HHAT: variants seen among roughly 807,000 people sequenced by gnomAD.
The protein encoded by HHAT is protein-cysteine N-palmitoyltransferase HHAT.
In HHAT, 47 loss-of-function variants were observed where a neutral mutation model predicts 70.8. The observed-to-expected ratio is 0.66, with a 90% CI of 0.53 to 0.85. The LOEUF (loss-of-function observed/expected upper bound fraction) is 0.85, where lower values mean the gene tolerates loss of function less well. Ranked by LOEUF, HHAT falls within the 40% of genes least tolerant of loss-of-function variation. The pLI, the probability that HHAT is intolerant of heterozygous loss-of-function variation, is 0.00. For synonymous variants in HHAT, 228 were observed against 247.6 expected (o/e 0.92, Z 0.74); for missense variants, 609 against 604.8 (o/e 1.01, Z -0.07).
chr1:210,333,653 T>C (rs1201317546), intron 1 of HHAT, among the ~76,000 whole-genome samples: 1 of 151,092 alleles, frequency 6.6e-6, no homozygotes, highest in Non-Finnish European at 1.5e-5. Context: ...CTGCTTTTAC[T>C]ACTATGATTT....
At position 210,520,038 on chromosome 1, in the gene HHAT, C is replaced by T. The variant is rs911349062; in HGVS notation, c.1043+6850C>T. On this transcript the variant is annotated intron_variant, in intron 9 of 11. Transcript: ENST00000261458. ...CCTTTGTTTTTTTGTTTTTTTGAGA[C>T]GGAGTCTCACTCTATCACCCAGACT... Among the ~76,000 whole-genome samples, 14 of 94,844 alleles carry T rather than the reference C, an allele frequency of 1.5e-4. No individual in the cohort carries two copies. In the East Asian group the frequency reaches 2.0e-3, roughly 14 times the overall value. 62.2% of individuals were successfully genotyped at this position (94,844 alleles called of 152,430 possible). A position where few individuals can be genotyped will look rare whatever the true frequency, so the allele number is the denominator to read the frequency against.
Position 210,349,029 on chromosome 1 carries a change from C to A in HHAT, c.54C>A (p.His18Gln). The A allele has an allele frequency of 6.2e-7, 1 of 1,614,126 alleles. No individual in the cohort carries two copies. Among genetic ancestry groups the A allele is most frequent in the Non-Finnish European group, 8.5e-7 (1 of 1,179,996 alleles). Reference protein sequence around the residue: ...ALYLLASLGFHFYSFYEVYKV... With the variant: ...ALYLLASLGFQFYSFYEVYKV... Reference sequence around the variant, plus strand: ...ACCTACTTGCCTCACTAGGCTTCCACTTCTATTCCTTCTATGAAGTTTACA... The same window carrying A: ...ACCTACTTGCCTCACTAGGCTTCCAATTCTATTCCTTCTATGAAGTTTACA... The change falls in exon 2 of 12, where the codon CAC (histidine) becomes CAA (glutamine). Residue 18 changes from histidine to glutamine, a missense_variant. Coordinates refer to ENST00000261458, the MANE Select transcript of HHAT (RefSeq NM_018194.6).
chr1:210,415,987 A>C (rs2092709246), intron 6 of HHAT, among the ~76,000 whole-genome samples: 1 of 152,098 alleles, frequency 6.6e-6, no homozygotes, highest in South Asian at 2.1e-4. Flanking sequence ...TTAAAGCAAC[A>C]AGCTTTTCTG....
chr1:210,624,630 C>T (rs1669489502), intron 11 of HHAT, among the ~76,000 whole-genome samples: 5 of 152,170 alleles, frequency 3.3e-5, no homozygotes, highest in Admixed American at 3.3e-4. Context: ...CAAAGCAAAA[C>T]CATACTTGCA....
At chr1:210,664,535 A>C (rs1678475454) in intron 11 of HHAT, among the ~76,000 whole-genome samples, 1 of 152,242 alleles carries the variant, frequency 6.6e-6, no homozygotes, top group South Asian at 2.1e-4. Context: ...CCCTAGGTCT[A>C]GGGTCTGGTG....
At position 210,374,234 on chromosome 1, in the gene HHAT, G is replaced by A. The variant is rs185739244; in HGVS notation, c.159+11315G>A. On this transcript the variant is annotated intron_variant, in intron 3 of 11. Transcript: ENST00000261458. ...TCCACGGAAATCTTTAGTAAAAGGCGAAAGATTTATTCGATCTGAAGAGAA... is the reference window on the plus strand; with the variant it reads ...TCCACGGAAATCTTTAGTAAAAGGCAAAAGATTTATTCGATCTGAAGAGAA... The A allele has an allele frequency of 9.5e-4, 144 of 151,080 alleles. 1 individual carries two copies. Among genetic ancestry groups the A allele is most frequent in the East Asian group, 5.8e-3 (30 of 5,172 alleles). 9.4% of individuals were successfully genotyped at this position (151,080 alleles called of 1,614,324 possible).
chr1:210,502,559 A>G (rs556493326), intron 8 of HHAT, among the ~76,000 whole-genome samples: 10 of 152,190 alleles, frequency 6.6e-5, no homozygotes, highest in Admixed American at 1.3e-4. Context: ...ATTGTGGGAA[A>G]ATCATTGAAT....
At chr1:210,346,549 T>C (rs1391087528) in intron 1 of HHAT, among the ~76,000 whole-genome samples, 2 of 152,220 alleles carry the variant, frequency 1.3e-5, no homozygotes, top group Non-Finnish European at 2.9e-5. Flanking sequence ...TACTAGGGCT[T>C]AGGCTTGTGT....
chr1:210,348,770 A>G (rs1376756174), intron 1 of HHAT, among the ~76,000 whole-genome samples, 163 bp from the exon 2 acceptor site: 1 of 105,764 alleles, frequency 9.5e-6, no homozygotes, highest in Admixed American at 9.8e-5. Context: ...TGTTGGATGC[A>G]GGATGGAGTA....
intron 9 of HHAT, among the ~76,000 whole-genome samples, chr1:210,572,334 A>G (rs1656505111): frequency 6.6e-6 from 1 of 152,072 alleles, no homozygotes; most frequent in South Asian, 2.1e-4. Context: ...TTTTTTGAAA[A>G]TCACATCAGT....
At chr1:210,644,907 G>T (rs1198937479) in intron 11 of HHAT, among the ~76,000 whole-genome samples, 1 of 152,180 alleles carries the variant, frequency 6.6e-6, no homozygotes, top group African/African-American at 2.4e-5. Context: ...TTTGCCGCTG[G>T]TAAGGGCTCT....
At chr1:210,571,662 G>GA (rs1332451650) in intron 9 of HHAT, among the ~76,000 whole-genome samples, 3 of 152,144 alleles carry the variant, frequency 2.0e-5, no homozygotes, top group African/African-American at 7.2e-5. Context: ...CTCCACTTGA[G>GA]AGGGAGCCTT....
intron 3 of HHAT, among the ~76,000 whole-genome samples, chr1:210,375,913 A>G (rs6672972): frequency 0.4 from 60,318 of 150,614 alleles, 13,987 homozygotes; most frequent in African/African-American, 0.65. Context: ...GTGCAGTGGC[A>G]CAATCTTGGC....
At chr1:210,578,971 G>A (rs1473673979) in intron 9 of HHAT, among the ~76,000 whole-genome samples, 6 of 152,156 alleles carry the variant, frequency 3.9e-5, no homozygotes, top group Admixed American at 2.6e-4. Context: ...GGAATACTGC[G>A]CAGCCATGGA....
At chr1:210,658,437 C>G (rs773253622) in intron 11 of HHAT, among the ~76,000 whole-genome samples, 20 of 152,196 alleles carry the variant, frequency 1.3e-4, no homozygotes, top group Non-Finnish European at 2.9e-4. Flanking sequence ...ACTGCTACTT[C>G]CATATCATGT....
intron 1 of HHAT, 115 bp downstream of exon 1, chr1:210,329,219 T>G: frequency 1.1e-5 from 13 of 1,192,156 alleles, no homozygotes; most frequent in Non-Finnish European, 1.0e-5. Context: ...CTACCCAAGT[T>G]CCCGTGTGCG....
chr1:210,672,547 C>T (rs911887804), intron 11 of HHAT, among the ~76,000 whole-genome samples: 2 of 152,172 alleles, frequency 1.3e-5, no homozygotes, highest in African/African-American at 4.8e-5. Context: ...TCATAAATCC[C>T]ACTGGTGTAT....
chr1:210,333,477 T>C (rs1333416348), intron 1 of HHAT, among the ~76,000 whole-genome samples: 1 of 151,732 alleles, frequency 6.6e-6, no homozygotes, highest in Admixed American at 6.6e-5. Context: ...TGTATGAGTA[T>C]ATGTACTTCT....
At chr1:210,507,892 C>T (rs2094888285) in intron 8 of HHAT, among the ~76,000 whole-genome samples, 1 of 151,628 alleles carries the variant, frequency 6.6e-6, no homozygotes, top group Non-Finnish European at 1.5e-5. Context: ...TTAATCATTC[C>T]ACATTATGTT....
Sources: gnomAD v4.1 joint callset for allele counts (sites outside exome capture counted in the v4.1 genomes callset) on GRCh38, gnomAD v4.1.1 for gene constraint, MANE v1.5 for transcripts, NCBI Gene and HGNC (gene_info 2026-07-23, HGNC 2026-07-21) for gene names.